KMT2C: variants seen among roughly 807,000 people sequenced by gnomAD.
KMT2C encodes the protein lysine methyltransferase 2C, also known as histone-lysine N-methyltransferase 2C.
Under a neutral mutation model 507.9 loss-of-function variants are expected in KMT2C, and 88 were observed. The observed-to-expected ratio is 0.17, with a 90% CI of 0.15 to 0.21. The LOEUF (loss-of-function observed/expected upper bound fraction) is 0.21, where lower values mean the gene tolerates loss of function less well. Ranked by LOEUF, KMT2C falls within the 10% of genes least tolerant of loss-of-function variation. The pLI is 1.00. For missense variants in KMT2C, 4,954 were observed against 5,957.8 expected (o/e 0.83, Z 5.55); for synonymous variants, 2,049 against 2,080.8 (o/e 0.98, Z 0.42).
chr7:152,327,600 T>C (rs972683707), intron 3 of KMT2C, among the ~76,000 whole-genome samples: 3 of 152,154 alleles, frequency 2.0e-5, no homozygotes, highest in African/African-American at 7.2e-5. Context: ...CATGGTAGTA[T>C]CAAACTACAA....
At chr7:152,164,785 T>C (rs934711602) in intron 42 of KMT2C, among the ~76,000 whole-genome samples, 1 of 152,208 alleles carries the variant, frequency 6.6e-6, no homozygotes, top group Admixed American at 6.5e-5. Context: ...CTAATATCAA[T>C]TAATTAATTC....
rs369107455 is a variant in KMT2C at position 152,385,477 on chromosome 7, T to A, written c.162-26802A>T. ...AATACAAAAAATTAGCCGGGCGTAGTGGCGGGCGCCTGTAGTCCCAGCTCC... is the reference window on the plus strand; with the variant it reads ...AATACAAAAAATTAGCCGGGCGTAGAGGCGGGCGCCTGTAGTCCCAGCTCC... On this transcript the variant is annotated intron_variant, in intron 1 of 58. Coordinates refer to ENST00000262189, the MANE Select transcript of KMT2C (RefSeq NM_170606.3). Among the ~76,000 whole-genome samples, 5 of 131,340 alleles carry A rather than the reference T, an allele frequency of 3.8e-5. No homozygotes were observed. In the East Asian group the frequency reaches 1.1e-3, roughly 28 times the overall value. The allele number at this position is 131,340 out of a possible 152,430, so 86.2% of individuals were successfully genotyped here. A position where few individuals can be genotyped will look rare whatever the true frequency, so the allele number is the denominator to read the frequency against.
intron 55 of KMT2C, among the ~76,000 whole-genome samples, chr7:152,140,718 T>C (rs964307933): frequency 3.3e-5 from 5 of 152,296 alleles, no homozygotes; most frequent in Admixed American, 1.3e-4. Context: ...AGGAGGACCA[T>C]GTGCTGCCCC....
At chr7:152,221,035 A>T (rs1302864225) in intron 22 of KMT2C, among the ~76,000 whole-genome samples, 1 of 152,190 alleles carries the variant, frequency 6.6e-6, no homozygotes, top group Admixed American at 6.5e-5. Flanking sequence ...CGGCAGGCAG[A>T]TCACGAGGTC....
Position 152,248,260 on chromosome 7 carries a change from T to A in KMT2C, c.2174A>T (p.Glu725Val). The A allele has an allele frequency of 6.2e-7, 1 of 1,613,902 alleles. No homozygotes were observed. Among genetic ancestry groups the A allele is most frequent in the Non-Finnish European group, 8.5e-7 (1 of 1,179,794 alleles). The change falls in exon 14 of 59, where the codon GAA becomes GTA. Residue 725 changes from glutamate (E) to valine (V), a missense_variant. By Grantham distance (121) the Glu-to-Val change is moderately radical. Around this residue, in one of 29 missense-constraint regions of KMT2C, gnomAD observed 376 missense variants for 352.4 expected, o/e 1.07. Coordinates refer to ENST00000262189, the MANE Select transcript of KMT2C (RefSeq NM_170606.3). ...AGAAAGTTCAGAATTTTCTTTCTGT[T>A]CCTTTTCTCCTTGTAGCCTTTCTAT... ...LVIERLQGEK[E>V]QKENSELSTG...
intron 6 of KMT2C, among the ~76,000 whole-genome samples, chr7:152,308,430 C>T (rs191228846): frequency 2.0e-5 from 3 of 152,050 alleles, no homozygotes; most frequent in African/African-American, 4.8e-5. Context: ...AATCCCAGCA[C>T]GTCAGGAGGC....
intron 23 of KMT2C, among the ~76,000 whole-genome samples, chr7:152,212,946 G>C (rs192599274): frequency 6.6e-6 from 1 of 152,236 alleles, no homozygotes; most frequent in Non-Finnish European, 1.5e-5. Flanking sequence ...TTGGGGGGCT[G>C]AGGCAGCAGA....
At chr7:152,427,023 G>A (rs1200880603) in intron 1 of KMT2C, among the ~76,000 whole-genome samples, 3 of 149,502 alleles carry the variant, frequency 2.0e-5, no homozygotes, top group Non-Finnish European at 4.5e-5. Flanking sequence ...GTTTTGTTTT[G>A]TTTTGTTTTT....
intron 3 of KMT2C, among the ~76,000 whole-genome samples, chr7:152,324,978 C>T (rs2096813460): frequency 6.6e-6 from 1 of 151,984 alleles, no homozygotes; most frequent in Non-Finnish European, 1.5e-5. Flanking sequence ...CTGCCTTCTA[C>T]AGAAGCTTCT....
At chr7:152,265,231 T>C in intron 7 of KMT2C, 22 bp from the exon 8 acceptor site, 2 of 1,611,378 alleles carry the variant, frequency 1.2e-6, no homozygotes, top group Non-Finnish European at 1.7e-6. Context: ...AGTGAAACAA[T>C]GAAATTGTTG....
chr7:152,236,670 T>C (rs1429013886), intron 15 of KMT2C, among the ~76,000 whole-genome samples: 1 of 152,188 alleles, frequency 6.6e-6, no homozygotes, highest in Non-Finnish European at 1.5e-5. Flanking sequence ...CCATTGTATT[T>C]AGAGGAAAAT....
chr7:152,152,045 C>T (rs1438182964), intron 49 of KMT2C, among the ~76,000 whole-genome samples: 3 of 152,098 alleles, frequency 2.0e-5, no homozygotes, highest in Non-Finnish European at 4.4e-5. Flanking sequence ...AATAAGGACT[C>T]AGGAATTAGA....
Position 152,252,724 on chromosome 7 carries a change from C to A in KMT2C, c.1300-9G>T. On this transcript the variant is annotated splice_polypyrimidine_tract_variant and intron_variant, in intron 9 of 58. Transcript: ENST00000262189. ...ATACATATTCTGCAATTCTAAACAC[C>A]AGGAAAAATAAAAACAAAAACAGTT... 6.4e-7 allele frequency: 1 copy of A among 1,571,678 alleles called. No individual in the cohort carries two copies. Among genetic ancestry groups the A allele is most frequent in the Non-Finnish European group, 8.7e-7 (1 of 1,152,912 alleles).
Position 152,135,838 on chromosome 7 carries a change from G to A in KMT2C, c.*994C>T, listed in dbSNP as rs886458535. The A allele has an allele frequency of 5.6e-5, 13 of 230,984 alleles. No individual in the cohort carries two copies. The highest frequency in any genetic ancestry group is 2.9e-4 in the African/African-American group (13 of 45,186). 14.3% of individuals were successfully genotyped at this position (230,984 alleles called of 1,614,324 possible). A position where few individuals can be genotyped will look rare whatever the true frequency, so the allele number is the denominator to read the frequency against. The stretch of plus-strand genomic sequence containing the variant: ...TAGCATACGCCCCGCTCTGTCAGAA[G>A]TAAGGTGTATAAAACCATTGAGTAC... On this transcript the variant is annotated 3_prime_UTR_variant, in exon 59 of 59. Coordinates refer to ENST00000262189, the MANE Select transcript of KMT2C (RefSeq NM_170606.3).
intron 24 of KMT2C, among the ~76,000 whole-genome samples, chr7:152,206,962 G>A (rs1199489818): frequency 1.3e-5 from 2 of 152,002 alleles, no homozygotes; most frequent in Admixed American, 6.6e-5. Flanking sequence ...AATTAAAAGC[G>A]TTACAGAAGT....
chr7:152,331,481 C>A (rs2096882105), intron 2 of KMT2C, among the ~76,000 whole-genome samples: 1 of 151,594 alleles, frequency 6.6e-6, no homozygotes, highest in South Asian at 2.1e-4. Context: ...TAGTGGCACA[C>A]ACCTGTAGTC....
At chr7:152,146,022 A>G (rs534357842) in intron 53 of KMT2C, among the ~76,000 whole-genome samples, 1 of 152,206 alleles carries the variant, frequency 6.6e-6, no homozygotes, top group African/African-American at 2.4e-5. Context: ...CACACCAATG[A>G]TATTTTTATT....
In KMT2C at chr7:152,183,094, G is replaced by T; in HGVS notation, c.5145C>A (p.Ser1715=). The change falls in exon 35 of 59, where the codon TCC becomes TCA. Residue 1715 remains serine (S), a synonymous_variant. Coordinates refer to ENST00000262189, the MANE Select transcript of KMT2C (RefSeq NM_170606.3). ...RINKVQMSND[S]MKRQQQQDSI... ...TATCTTGCTGTTGCTGCCTTTTCAT[G>T]GAATCATTTGACATCTGTACTTTAT... 1 of 1,612,590 alleles carries T rather than the reference G, an allele frequency of 6.2e-7. No individual in the cohort carries two copies. The highest frequency in any genetic ancestry group is 8.5e-7 in the Non-Finnish European group (1 of 1,179,400).
chr7:152,367,525 C>G, intron 1 of KMT2C: 1 of 1,151,192 alleles, frequency 8.7e-7, no homozygotes, highest in South Asian at 1.2e-5. Context: ...GAGAGGCGAA[C>G]CTGGATTGGG....
Sources: allele counts gnomAD v4.1 joint callset (sites outside exome capture counted in the v4.1 genomes callset), GRCh38; gene constraint gnomAD v4.1.1; regional missense constraint gnomAD v4.1.1; transcripts MANE v1.5; gene names NCBI Gene and HGNC (gene_info 2026-07-23, HGNC 2026-07-21).